Variants in ARIH1 observed in about 807,000 individuals in gnomAD.
ARIH1 encodes ariadne RBR E3 ubiquitin protein ligase 1, also known as E3 ubiquitin-protein ligase ARIH1.
In ARIH1, 8 loss-of-function variants were observed where a neutral mutation model predicts 85.0. That is an observed-to-expected ratio of 0.09 (90% confidence interval 0.06 to 0.17). The LOEUF is 0.17. Ranked by LOEUF, ARIH1 falls within the 10% of genes least tolerant of loss-of-function variation. The pLI is 1.00. For synonymous variants in ARIH1, 238 were observed against 253.6 expected (o/e 0.94, Z 0.59); for missense variants, 311 against 718.1 (o/e 0.43, Z 6.48).
In ARIH1 at chr15:72,583,329, C is replaced by A; in HGVS notation, c.*37C>A. On this transcript the variant is annotated 3_prime_UTR_variant, in exon 14 of 14. Transcript: ENST00000379887. ...CATAAAATGAACTCTGAAAACTTTACCATCTAGAGTGCTCATGCAATTAAA... is the reference window on the plus strand; with the variant it reads ...CATAAAATGAACTCTGAAAACTTTAACATCTAGAGTGCTCATGCAATTAAA... 3.3e-6 allele frequency: 5 copies of A among 1,533,592 alleles called. No individual in the cohort carries two copies. Among genetic ancestry groups the A allele is most frequent in the Non-Finnish European group, 4.5e-6 (5 of 1,112,926 alleles). The allele number at this position is 1,533,592 out of a possible 1,614,324, so 95.0% of individuals were successfully genotyped here.
chr15:72,549,460 G>A (rs548151870), intron 3 of ARIH1, among the ~76,000 whole-genome samples: 1 of 152,250 alleles, frequency 6.6e-6, no homozygotes, highest in African/African-American at 2.4e-5. Flanking sequence ...TAAAGGCAGA[G>A]TTGAAATTGT....
chr15:72,494,541 G>A (rs1419322360), intron 1 of ARIH1, among the ~76,000 whole-genome samples: 1 of 152,158 alleles, frequency 6.6e-6, no homozygotes, highest in Non-Finnish European at 1.5e-5. Context: ...GGGCTAGACA[G>A]GCAGTGTGAT....
intron 2 of ARIH1, among the ~76,000 whole-genome samples, chr15:72,523,939 C>CTTTTTTTT (rs397853910): frequency 2.4e-4 from 15 of 61,714 alleles, no homozygotes; most frequent in East Asian, 6.1e-4. Flanking sequence ...ACTTTTACAT[C>CTTTTTTTT]TTTTTTTTTT....
At chr15:72,566,332 T>A in intron 7 of ARIH1, 2 of 466,642 alleles carry the variant, frequency 4.3e-6, no homozygotes, top group Non-Finnish European at 7.5e-6. Context: ...AAAGCGTGTC[T>A]TCATGCTTAT....
At chr15:72,477,564 C>G (rs889590989) in intron 1 of ARIH1, among the ~76,000 whole-genome samples, 1 of 152,094 alleles carries the variant, frequency 6.6e-6, no homozygotes, top group Admixed American at 6.5e-5. Flanking sequence ...GAGAGGAGTT[C>G]TGGGCAACAA....
chr15:72,498,581 AC>A (rs1380839749), intron 1 of ARIH1, among the ~76,000 whole-genome samples: 2 of 152,220 alleles, frequency 1.3e-5, no homozygotes, highest in Non-Finnish European at 2.9e-5. Flanking sequence ...GTGGTGGCTC[AC>A]GCCTGTGATC....
chr15:72,551,670 G>A (rs978759395), intron 3 of ARIH1, among the ~76,000 whole-genome samples: 1 of 152,176 alleles, frequency 6.6e-6, no homozygotes, highest in Non-Finnish European at 1.5e-5. Flanking sequence ...AAGTTTCACT[G>A]TGAGTGAAGA....
At chr15:72,555,988 G>A in intron 5 of ARIH1, 81 bp downstream of exon 5, 2 of 1,236,630 alleles carry the variant, frequency 1.6e-6, no homozygotes, top group East Asian at 2.4e-5. Flanking sequence ...TACCTCAAAG[G>A]AAGTGAAACT....
intron 1 of ARIH1, among the ~76,000 whole-genome samples, chr15:72,504,022 A>G (rs2063914279): frequency 6.6e-6 from 1 of 152,106 alleles, no homozygotes; most frequent in Non-Finnish European, 1.5e-5. Flanking sequence ...GCCCTCCACT[A>G]GTGAGGGCAA....
At chr15:72,546,649 A>G (rs1456651376) in intron 3 of ARIH1, among the ~76,000 whole-genome samples, 12 of 145,230 alleles carry the variant, frequency 8.3e-5, no homozygotes, top group Non-Finnish European at 1.7e-4. Flanking sequence ...TGTCTGGCTG[A>G]TTTTTCTGTG....
intron 2 of ARIH1, among the ~76,000 whole-genome samples, chr15:72,524,182 C>T (rs1319074337): frequency 1.3e-5 from 2 of 151,384 alleles, no homozygotes; most frequent in Non-Finnish European, 2.9e-5. Context: ...CTCCTGACCT[C>T]GTGATCCGCC....
chr15:72,492,362 A>G (rs1305082902), intron 1 of ARIH1, among the ~76,000 whole-genome samples: 1 of 152,242 alleles, frequency 6.6e-6, no homozygotes, highest in Non-Finnish European at 1.5e-5. Context: ...TGGAGGCACT[A>G]GATAACAAAT....
intron 1 of ARIH1, among the ~76,000 whole-genome samples, chr15:72,500,667 G>A (rs140977009): frequency 6.6e-5 from 10 of 152,120 alleles, no homozygotes; most frequent in African/African-American, 2.2e-4. Flanking sequence ...TGCATGTAGC[G>A]TGCCAGATCC....
chr15:72,570,758 G>C (rs2064240394), intron 10 of ARIH1, among the ~76,000 whole-genome samples: 2 of 152,098 alleles, frequency 1.3e-5, no homozygotes, highest in Non-Finnish European at 2.9e-5. Flanking sequence ...TTGCTAAAAG[G>C]CTTTGTCATA....
In ARIH1 at chr15:72,593,887, T is replaced by TGACA. The variant is rs2064352483; in HGVS notation, c.*10597_*10600dup. 6.6e-6 allele frequency: 1 copy of TGACA among 151,106 alleles called. No homozygotes were observed. The highest frequency in any genetic ancestry group is 1.5e-5 in the Non-Finnish European group (1 of 67,812). 9.4% of individuals were successfully genotyped at this position (151,106 alleles called of 1,614,324 possible). On this transcript the variant is annotated 3_prime_UTR_variant, in exon 14 of 14. Transcript: ENST00000379887. ...TCATGCCACTGCATTCCAGCTTGGG[T>TGACA]GACAGCAAGACCCTGTCAAAAAAAA...
At position 72,593,832 on chromosome 15, in the gene ARIH1, T is replaced by C. The variant is rs1452351766; in HGVS notation, c.*10540T>C. 6.6e-6 allele frequency: 1 copy of C among 152,166 alleles called. No individual in the cohort carries two copies. Among genetic ancestry groups the C allele is most frequent in the Non-Finnish European group, 1.5e-5 (1 of 67,992 alleles). The allele number at this position is 152,166 out of a possible 1,614,324, so 9.4% of individuals were successfully genotyped here. A position where few individuals can be genotyped will look rare whatever the true frequency, so the allele number is the denominator to read the frequency against. On this transcript the variant is annotated 3_prime_UTR_variant, in exon 14 of 14. Transcript: ENST00000379887. ...TTTTACAATTAGCTCATCTTGTTTTTCAAACGTAGATGTGCTGGGTTAGCT... is the reference window on the plus strand; with the variant it reads ...TTTTACAATTAGCTCATCTTGTTTTCCAAACGTAGATGTGCTGGGTTAGCT...
chr15:72,599,079 C>G lies in ARIH1; in HGVS notation c.*15787C>G, dbSNP rs1282395956. ...ACAGAGTCTGGCTCTGTTGCCCAGGCTGGAGTGCAGTGGCACGATCTAGGC... is the reference window on the plus strand; with the variant it reads ...ACAGAGTCTGGCTCTGTTGCCCAGGGTGGAGTGCAGTGGCACGATCTAGGC... On this transcript the variant is annotated 3_prime_UTR_variant, in exon 14 of 14. Coordinates refer to ENST00000379887, the MANE Select transcript of ARIH1 (RefSeq NM_005744.5). 2 of 152,182 alleles carry G rather than the reference C, an allele frequency of 1.3e-5. No homozygotes were observed. The highest frequency in any genetic ancestry group is 4.8e-5 in the African/African-American group (2 of 41,410). The allele number at this position is 152,182 out of a possible 1,614,324, so 9.4% of individuals were successfully genotyped here.
At chr15:72,544,770 A>G in intron 2 of ARIH1, 50 bp from the exon 3 acceptor site, 2 of 1,547,294 alleles carry the variant, frequency 1.3e-6, no homozygotes, top group Non-Finnish European at 8.8e-7. Flanking sequence ...GGAGAGCTCT[A>G]ACAGTGTGCA....
chr15:72,531,470 G>C (rs1020301986), intron 2 of ARIH1, among the ~76,000 whole-genome samples: 1 of 152,042 alleles, frequency 6.6e-6, no homozygotes, highest in Admixed American at 6.6e-5. Context: ...GTTTCGCCAC[G>C]TTGGCCAGGC....
Sources: allele counts gnomAD v4.1 joint callset (sites outside exome capture counted in the v4.1 genomes callset), GRCh38; gene constraint gnomAD v4.1.1; transcripts MANE v1.5; gene names NCBI Gene and HGNC (gene_info 2026-07-23, HGNC 2026-07-21).